The following SCN10A variants were observed in gnomAD, a reference collection of about 807,000 sequenced individuals.
The protein encoded by SCN10A is sodium voltage-gated channel alpha subunit 10.
Under a neutral mutation model 170.7 loss-of-function variants are expected in SCN10A, and 162 were observed. The ratio of observed to expected loss-of-function variants is 0.95; its 90% CI spans 0.84 to 1.08. The LOEUF is 1.08. Among genes scored for constraint, SCN10A ranks in the 50% least tolerant of loss-of-function variants. The pLI is 0.00. For synonymous variants in SCN10A, 985 were observed against 904.6 expected, an observed-to-expected ratio of 1.09 and a Z score of -1.59; for missense variants, 2,527 against 2,436.9, an observed-to-expected ratio of 1.04 and a Z score of -0.78.
chr3:38,805,598 G>A (rs1316231359), intron 1 of SCN10A, among the ~76,000 whole-genome samples: 2 of 152,112 alleles, frequency 1.3e-5, no homozygotes, highest in East Asian at 1.9e-4. Context: ...GGGAGCAACA[G>A]GACACCGGAC....
At chr3:38,772,322 G>A (rs1330138901) in intron 4 of SCN10A, among the ~76,000 whole-genome samples, 11 of 133,858 alleles carry the variant, frequency 8.2e-5, no homozygotes, top group African/African-American at 2.3e-4. Context: ...CCAAACAACT[G>A]AAAAAAAAAA....
intron 18 of SCN10A, among the ~76,000 whole-genome samples, chr3:38,724,867 A>C (rs2063435506): frequency 6.6e-6 from 1 of 152,200 alleles, no homozygotes; most frequent in African/African-American, 2.4e-5. Context: ...TAGATGAATA[A>C]ATGGCGGCTC....
chr3:38,763,710 A>G, intron 5 of SCN10A, 114 bp from the exon 6 acceptor site: 1 of 734,810 alleles, frequency 1.4e-6, no homozygotes, highest in Non-Finnish European at 2.4e-6. Flanking sequence ...CAGAATGGAC[A>G]CTTAGAATCT....
In SCN10A at chr3:38,725,290, T is replaced by G. The variant is rs1488359815; in HGVS notation, c.3112A>C (p.Arg1038=). The G allele has an allele frequency of 5.1e-6, 8 of 1,581,158 alleles. No homozygotes were observed. The highest frequency in any genetic ancestry group is 6.9e-6 in the Non-Finnish European group (8 of 1,155,476). ...CTGGGTGTCAGGTGGTCCCCACACCTCTCGACTTGCTGCAGCTGCTCCTGC... is the reference window on the plus strand; with the variant it reads ...CTGGGTGTCAGGTGGTCCCCACACCGCTCGACTTGCTGCAGCTGCTCCTGC... ...GQQEQLQQVE[R]CGDHLTPRSP... Residue 1038 remains arginine, a synonymous_variant, in exon 18 of 28, where the codon AGG becomes CGG. Coordinates refer to ENST00000449082, the MANE Select transcript of SCN10A (RefSeq NM_006514.4).
At chr3:38,805,775 G>A (rs1470135891) in intron 1 of SCN10A, among the ~76,000 whole-genome samples, 2 of 152,156 alleles carry the variant, frequency 1.3e-5, no homozygotes, top group East Asian at 1.9e-4. Context: ...TGGAAAAATA[G>A]CACTTAGCTA....
chr3:38,752,179 GA>G lies in SCN10A; in HGVS notation c.1755+39del, dbSNP rs550705817. 6.1e-5 allele frequency: 89 copies of G among 1,459,704 alleles called. 1 individual carries two copies. The African/African-American group carries it at 1.1e-3, about 19-fold the overall frequency. 90.4% of individuals were successfully genotyped at this position (1,459,704 alleles called of 1,614,324 possible). A position where few individuals can be genotyped will look rare whatever the true frequency, so the allele number is the denominator to read the frequency against. On this transcript the variant is annotated intron_variant, in intron 12 of 27. Transcript: ENST00000449082. ...CTTCTTGGCTCAAGGCTTCTAGGTG[GA>G]AGACAGCCTGAGGGAGTCTGAAGCA... is the stretch of plus-strand genomic sequence containing the variant.
rs1575914976 is a variant in SCN10A, at chr3:38,697,678, A to G, written c.5542T>C (p.Trp1848Arg). The change falls in exon 28 of 28, where the codon TGG (tryptophan) becomes CGG (arginine). Residue 1848 changes from tryptophan (W) to arginine (R), a missense_variant. Transcript: ENST00000449082. Reference sequence around the variant, plus strand: ...GTGGCTGAAATGTCTTCTTGCTTCCATCGGAGAGTGGTTGCTATTGGTTCA... The same window carrying G: ...GTGGCTGAAATGTCTTCTTGCTTCCGTCGGAGAGTGGTTGCTATTGGTTCA... ...SYEPIATTLRWKQEDISATVI... is the reference protein window; with the variant it reads ...SYEPIATTLRRKQEDISATVI... 3.1e-6 allele frequency: 5 copies of G among 1,614,042 alleles called. No homozygotes were observed. Among genetic ancestry groups the G allele is most frequent in the African/African-American group, 2.7e-5 (2 of 74,916 alleles).
intron 4 of SCN10A, among the ~76,000 whole-genome samples, chr3:38,773,356 C>T (rs930985299): frequency 6.6e-6 from 1 of 151,850 alleles, no homozygotes; most frequent in African/African-American, 2.4e-5. Flanking sequence ...AACATATATG[C>T]GATCCAGGGA....
chr3:38,815,449 C>A (rs2064468646), intron 1 of SCN10A, among the ~76,000 whole-genome samples: 1 of 152,194 alleles, frequency 6.6e-6, no homozygotes, highest in Admixed American at 6.5e-5. Flanking sequence ...CTAAAAAGTT[C>A]TCCACTTTAT....
intron 15 of SCN10A, among the ~76,000 whole-genome samples, chr3:38,729,612 G>C (rs2063495103): frequency 6.6e-6 from 1 of 152,182 alleles, no homozygotes; most frequent in South Asian, 2.1e-4. Flanking sequence ...AGTCTCAAAA[G>C]TCTTCACTGT....
Position 38,742,432 on chromosome 3 carries a change from C to T in SCN10A, c.1965G>A (p.Lys655=), listed in dbSNP as rs1366868062. 1 of 1,614,188 alleles carries T rather than the reference C, an allele frequency of 6.2e-7. No homozygotes were observed. The highest frequency in any genetic ancestry group is 1.7e-5 in the Admixed American group (1 of 60,024). Residue 655 remains lysine, a synonymous_variant, in exon 14 of 28, where the codon AAG becomes AAA. Coordinates refer to ENST00000449082, the MANE Select transcript of SCN10A (RefSeq NM_006514.4). ...CCGTCACAAGCCCAAAGAGAATTGT[C>T]TTGAGCTTCACCCACATGGGGCAGC... ...WDCCPMWVKL[K]TILFGLVTDP...
chr3:38,812,662 C>T (rs970609937), intron 1 of SCN10A, among the ~76,000 whole-genome samples: 1 of 152,120 alleles, frequency 6.6e-6, no homozygotes, highest in African/African-American at 2.4e-5. Flanking sequence ...TCAGAGTCAG[C>T]ACTTGCTAGA....
At chr3:38,814,204 T>C (rs1185719048) in intron 1 of SCN10A, among the ~76,000 whole-genome samples, 1 of 152,170 alleles carries the variant, frequency 6.6e-6, no homozygotes, top group African/African-American at 2.4e-5. Flanking sequence ...AGAAAGTGAT[T>C]GTGCAGAAAG....
chr3:38,799,328 G>C (rs2064358281), intron 1 of SCN10A, among the ~76,000 whole-genome samples: 1 of 152,100 alleles, frequency 6.6e-6, no homozygotes, highest in African/African-American at 2.4e-5. Context: ...AGTTATAGGG[G>C]TATTGGCTCA....
chr3:38,779,249 TC>T (rs1036488750), intron 4 of SCN10A, among the ~76,000 whole-genome samples: 19 of 152,224 alleles, frequency 1.2e-4, no homozygotes, highest in Admixed American at 9.8e-4. Context: ...CTTCACTTCA[TC>T]CATGCAAATG....
Position 38,752,299 on chromosome 3 carries a change from T to G in SCN10A, c.1675A>C (p.Asn559His), listed in dbSNP as rs2063755572. The stretch of plus-strand genomic sequence containing the variant: ...TCTTCTCCATGCCTGGAGTCAGGGT[T>G]GCTGGGTTGAGGAAGAGGGCTTCTA... The part of the protein sequence containing the change: ...LPRSPLPQPS[N>H]PDSRHGEDEH... Residue 559 changes from asparagine to histidine, a missense_variant, in exon 12 of 28, where the codon AAC becomes CAC. Coordinates refer to ENST00000449082, the MANE Select transcript of SCN10A (RefSeq NM_006514.4). 1 of 1,608,868 alleles carries G rather than the reference T, an allele frequency of 6.2e-7. No homozygotes were observed. The highest frequency in any genetic ancestry group is 2.3e-5 in the East Asian group (1 of 44,444).
In SCN10A at chr3:38,778,186, T is replaced by A. The variant is rs1019315649; in HGVS notation, c.471-6779A>T. On this transcript the variant is annotated intron_variant, in intron 4 of 27. Transcript: ENST00000449082. ...CCCGTTTGCAGTAGATTCAGCTTCATTTCACATGTTCTTTGCCAGGTGAGA... is the reference window on the plus strand; with the variant it reads ...CCCGTTTGCAGTAGATTCAGCTTCAATTCACATGTTCTTTGCCAGGTGAGA... Among the ~76,000 whole-genome samples the A allele has an allele frequency of 2.0e-5, 3 of 152,090 alleles. No homozygotes were observed. In the East Asian group the frequency reaches 5.8e-4, roughly 29 times the overall value.
Position 38,718,795 on chromosome 3 carries a change from G to A in SCN10A, c.3539C>T (p.Pro1180Leu). The A allele has an allele frequency of 6.2e-7, 1 of 1,614,192 alleles. No individual in the cohort carries two copies. Among genetic ancestry groups the A allele is most frequent in the Non-Finnish European group, 8.5e-7 (1 of 1,180,022 alleles). ...GTACTCCAGCAAAGCTTTCACCGTG[G>A]GCTTCTGGTCCAGGTAATAGTCTTC... Reference protein sequence around the residue: ...AFEDYYLDQKPTVKALLEYTD... With the variant: ...AFEDYYLDQKLTVKALLEYTD... Residue 1180 changes from proline to leucine, a missense_variant, in exon 21 of 28, where the codon CCC becomes CTC. By Grantham distance (98) the Pro-to-Leu change is moderately conservative. Coordinates refer to ENST00000449082, the MANE Select transcript of SCN10A (RefSeq NM_006514.4).
rs1329275401 is a variant in SCN10A at position 38,793,960 on chromosome 3, A to G, written c.51T>C (p.Thr17=). The G allele has an allele frequency of 2.5e-6, 4 of 1,613,984 alleles. No homozygotes were observed. In the East Asian group the frequency reaches 6.7e-5, roughly 27 times the overall value. The change falls in exon 2 of 28, where the codon ACT becomes ACC. Residue 17 remains threonine (T), a synonymous_variant. Transcript: ENST00000449082. ...SLETNNFRRF[T]PESLVEIEKQ... is the part of the protein sequence containing the mutation. ...TCTCTATCTCCACCAGTGACTCCGG[A>G]GTAAAGCGACGGAAGTTGTTAGTTT...
Sources: gnomAD v4.1 joint callset for allele counts (sites outside exome capture counted in the v4.1 genomes callset) on GRCh38, gnomAD v4.1.1 for gene constraint, MANE v1.5 for transcripts, NCBI Gene and HGNC (gene_info 2026-07-23, HGNC 2026-07-21) for gene names.